Variants in SYT15B observed in about 807,000 individuals in gnomAD.
SYT15B encodes the protein synaptotagmin-15.
the SYT15B span, among the ~76,000 whole-genome samples, chr10:47,755,555 CTTTTTTTTTTTT>C: frequency 4.8e-5 from 4 of 83,000 alleles, no homozygotes; most frequent in Non-Finnish European, 9.0e-5. Context: ...GTGCCCGGCC[CTTTTTTTTTTTT>C]TTTTTTTTTT....
chr10:47,751,025 A>T, the SYT15B span: 2 of 146,920 alleles, frequency 1.4e-5, no homozygotes, highest in Non-Finnish European at 3.0e-5. Flanking sequence ...ATTTGTAATT[A>T]AAAAAATCTT....
chr10:47,745,651 G>A, the SYT15B span, among the ~76,000 whole-genome samples: 1 of 131,836 alleles, frequency 7.6e-6, no homozygotes, highest in Non-Finnish European at 1.7e-5. Context: ...CAGCTCTGCA[G>A]TAGGGGGGTT....
the SYT15B span, among the ~76,000 whole-genome samples, chr10:47,750,156 A>C: frequency 6.6e-6 from 1 of 151,968 alleles, no homozygotes; most frequent in Non-Finnish European, 1.5e-5. Flanking sequence ...ATATCAGTAA[A>C]GACGTAGATA....
chr10:47,752,949 A>C, the SYT15B span: 1 of 77,084 alleles, frequency 1.3e-5, no homozygotes, highest in Non-Finnish European at 2.5e-5. Flanking sequence ...TCTACTAAAA[A>C]TAAAAAAAAT....
chr10:47,763,495 C>T, the SYT15B span: 30,796 of 594,440 alleles, frequency 0.052, 422 homozygotes, highest in Non-Finnish European at 0.054. Flanking sequence ...AGGAGCGGCG[C>T]GGCCCAGCCC....
chr10:47,748,550 A>G, the SYT15B span, among the ~76,000 whole-genome samples: 1 of 152,164 alleles, frequency 6.6e-6, no homozygotes, highest in African/African-American at 2.4e-5. Flanking sequence ...AATGAAAGAC[A>G]AGGAAAAAAC....
At chr10:47,755,193 A>C in the SYT15B span, among the ~76,000 whole-genome samples, 3 of 150,938 alleles carry the variant, frequency 2.0e-5, no homozygotes, top group African/African-American at 7.4e-5. Flanking sequence ...TTGATGTCGT[A>C]ATCCACCCCT....
At chr10:47,748,608 T>A in the SYT15B span, among the ~76,000 whole-genome samples, 2 of 152,208 alleles carry the variant, frequency 1.3e-5, no homozygotes, top group African/African-American at 2.4e-5. Context: ...TCTTCTTTTC[T>A]TTTTTCTTTT....
chr10:47,746,980 C>A, the SYT15B span, among the ~76,000 whole-genome samples: 1 of 126,550 alleles, frequency 7.9e-6, no homozygotes, highest in Non-Finnish European at 1.7e-5. Context: ...ACACTCATTC[C>A]AAGAACAACT....
chr10:47,763,492 G>T, the SYT15B span: 1 of 596,160 alleles, frequency 1.7e-6, no homozygotes, highest in African/African-American at 2.0e-5. Context: ...CGGAGGAGCG[G>T]CGCGGCCCAG....
At chr10:47,744,753 A>C in the SYT15B span, among the ~76,000 whole-genome samples, 2 of 151,648 alleles carry the variant, frequency 1.3e-5, no homozygotes, top group Non-Finnish European at 2.9e-5. Context: ...CTTGTTTTCT[A>C]TTTACCAATT....
At chr10:47,751,268 C>T in the SYT15B span, 5 of 136,232 alleles carry the variant, frequency 3.7e-5, no homozygotes, top group African/African-American at 1.4e-4. Flanking sequence ...CTTATTAGCT[C>T]TAGTAGTTTT....
chr10:47,756,729 G>A, the SYT15B span, among the ~76,000 whole-genome samples: 2 of 152,400 alleles, frequency 1.3e-5, no homozygotes, highest in South Asian at 2.1e-4. Flanking sequence ...AGCCCAAATG[G>A]GGTGGGACAT....
the SYT15B span, chr10:47,753,092 G>A: frequency 2.1e-6 from 2 of 963,378 alleles, no homozygotes; most frequent in Non-Finnish European, 2.5e-6. Flanking sequence ...TGGGTGACAA[G>A]AGGGAAACTC....
the SYT15B span, among the ~76,000 whole-genome samples, chr10:47,749,607 AGTT>A: frequency 6.6e-6 from 1 of 150,722 alleles, no homozygotes; most frequent in African/African-American, 2.5e-5. Context: ...AATGTACAGA[AGTT>A]GTAATCTGTG....
At chr10:47,749,658 G>A in the SYT15B span, among the ~76,000 whole-genome samples, 2 of 149,720 alleles carry the variant, frequency 1.3e-5, no homozygotes, top group Admixed American at 1.4e-4. Context: ...GAATGTGTAA[G>A]TAAAACCAAT....
At chr10:47,747,367 C>G in the SYT15B span, among the ~76,000 whole-genome samples, 1 of 147,454 alleles carries the variant, frequency 6.8e-6, no homozygotes, top group African/African-American at 2.5e-5. Flanking sequence ...CTATGAAAAG[C>G]AGCAGGTTTT....
At chr10:47,762,341 G>A in the SYT15B span, among the ~76,000 whole-genome samples, 12 of 146,828 alleles carry the variant, frequency 8.2e-5, no homozygotes, top group African/African-American at 3.0e-4. Context: ...TGGCCACCTG[G>A]GGCGGGCCAA....
chr10:47,751,350 CT>C, the SYT15B span: 1 of 103,746 alleles, frequency 9.6e-6, no homozygotes, highest in African/African-American at 3.7e-5. Flanking sequence ...TTACTTCTTT[CT>C]TTATGATCTG....
Sources: allele counts gnomAD v4.1 joint callset (sites outside exome capture counted in the v4.1 genomes callset), GRCh38; gene constraint gnomAD v4.1.1; transcripts MANE v1.5; gene names NCBI Gene and HGNC (gene_info 2026-07-23, HGNC 2026-07-21).